CSMD1: variants seen among roughly 807,000 people sequenced by gnomAD.
CSMD1 encodes the protein CUB and Sushi multiple domains 1, also known as CUB and sushi domain-containing protein 1.
Under a neutral mutation model 417.5 loss-of-function variants are expected in CSMD1, and 213 were observed. The observed-to-expected ratio is 0.51, with a 90% CI of 0.46 to 0.57. CSMD1 has a LOEUF of 0.57. CSMD1 is among the 20% of genes least tolerant of loss of function. The pLI is 0.00. For synonymous variants in CSMD1, 2,862 were observed against 1,736.8 expected (o/e 1.65, Z -16.11); for missense variants, 6,923 against 4,529.7 (o/e 1.53, Z -15.17).
At chr8:4,322,914 G>A (rs1002561792) in intron 3 of CSMD1, among the ~76,000 whole-genome samples, 5 of 152,198 alleles carry the variant, frequency 3.3e-5, no homozygotes, top group Admixed American at 3.3e-4. Context: ...GAACCCTGGA[G>A]GTGGAGGTTG....
intron 3 of CSMD1, among the ~76,000 whole-genome samples, chr8:4,315,119 G>T (rs137980059): frequency 2.6e-5 from 4 of 152,246 alleles, no homozygotes; most frequent in Admixed American, 6.5e-5. Context: ...TTACACCATC[G>T]CAAGAGCACC....
chr8:4,595,473 T>G (rs914654414), intron 2 of CSMD1, among the ~76,000 whole-genome samples: 4 of 152,166 alleles, frequency 2.6e-5, no homozygotes, highest in African/African-American at 9.7e-5. Context: ...GTTCTGTGGC[T>G]TCCTTTGGAG....
Position 3,090,875 on chromosome 8 carries a change from T to C in CSMD1, c.7285+641A>G, listed in dbSNP as rs527616023. On this transcript the variant is annotated intron_variant, in intron 48 of 69. Transcript: ENST00000635120. ...TGGTCAGATCCTACTGATGATTGTA[T>C]ACAGGATTTAATGTCTAATAAATAT... Among the ~76,000 whole-genome samples, 22 of 152,330 alleles carry C rather than the reference T, an allele frequency of 1.4e-4. 1 individual carries two copies. The highest frequency in any genetic ancestry group is 5.3e-4 in the African/African-American group (22 of 41,588).
intron 3 of CSMD1, among the ~76,000 whole-genome samples, chr8:4,146,993 C>G (rs531543107): frequency 1.3e-5 from 2 of 151,962 alleles, no homozygotes; most frequent in Non-Finnish European, 2.9e-5. Flanking sequence ...CCAGCACTTC[C>G]TGTCCATCCA....
chr8:3,796,139 CATAGAT>C (rs1800094601), intron 5 of CSMD1, among the ~76,000 whole-genome samples: 4 of 5,280 alleles, frequency 7.6e-4, no homozygotes. Context: ...ATATATCTAT[CATAGAT>C]ATAGATATAT....
intron 3 of CSMD1, among the ~76,000 whole-genome samples, chr8:4,077,257 A>G (rs1228639507): frequency 7.0e-6 from 1 of 143,522 alleles, no homozygotes; most frequent in Non-Finnish European, 1.5e-5. Flanking sequence ...GACACCTCCC[A>G]CTGTAAAAGC....
At chr8:4,146,840 G>A (rs1456163312) in intron 3 of CSMD1, among the ~76,000 whole-genome samples, 1 of 149,676 alleles carries the variant, frequency 6.7e-6, no homozygotes, top group African/African-American at 2.5e-5. Flanking sequence ...TCGATCTCCT[G>A]ACCTCGTGAT....
intron 19 of CSMD1, among the ~76,000 whole-genome samples, chr8:3,368,107 A>C (rs1024136819): frequency 6.6e-6 from 1 of 152,088 alleles, no homozygotes; most frequent in African/African-American, 2.4e-5. Flanking sequence ...GATAACTTCT[A>C]ATAAAAATGT....
At chr8:4,433,983 C>A (rs993795833) in intron 2 of CSMD1, among the ~76,000 whole-genome samples, 1 of 152,112 alleles carries the variant, frequency 6.6e-6, no homozygotes, top group African/African-American at 2.4e-5. Context: ...GTGATTTTCT[C>A]TTCAGCCTCA....
At chr8:3,966,763 G>T (rs570050504) in intron 5 of CSMD1, among the ~76,000 whole-genome samples, 1 of 138,288 alleles carries the variant, frequency 7.2e-6, no homozygotes, top group East Asian at 2.2e-4. Context: ...ACGCGCGCGC[G>T]CGCACACACA....
chr8:3,957,219 G>C (rs1056097821), intron 5 of CSMD1, among the ~76,000 whole-genome samples: 5 of 152,186 alleles, frequency 3.3e-5, no homozygotes, highest in Non-Finnish European at 7.4e-5. Context: ...TGAGAAGACA[G>C]AAATATAGGA....
intron 3 of CSMD1, among the ~76,000 whole-genome samples, chr8:4,231,918 A>T (rs1219109163): frequency 1.3e-5 from 1 of 74,528 alleles, no homozygotes; most frequent in East Asian, 4.2e-4. Flanking sequence ...AATCTCATAC[A>T]TAAAATATGT....
chr8:4,953,700 T>A (rs868016056), intron 1 of CSMD1, among the ~76,000 whole-genome samples: 4 of 152,344 alleles, frequency 2.6e-5, no homozygotes, highest in Middle Eastern at 3.4e-3. Flanking sequence ...ATGCTATTTT[T>A]ACATGTTGCT....
At chr8:4,115,996 A>G (rs1024743095) in intron 3 of CSMD1, among the ~76,000 whole-genome samples, 1 of 149,128 alleles carries the variant, frequency 6.7e-6, no homozygotes, top group Non-Finnish European at 1.5e-5. Flanking sequence ...TTATTTATTT[A>G]TTTATTTATT....
intron 3 of CSMD1, among the ~76,000 whole-genome samples, chr8:4,106,022 T>C (rs893711664): frequency 3.3e-5 from 5 of 152,130 alleles, no homozygotes; most frequent in African/African-American, 1.2e-4. Flanking sequence ...TGTGCCACCA[T>C]CTCCACTGCA....
intron 3 of CSMD1, among the ~76,000 whole-genome samples, chr8:4,228,159 G>GGAAA (rs1164608212): frequency 6.6e-6 from 1 of 152,046 alleles, no homozygotes; most frequent in African/African-American, 2.4e-5. Context: ...TGCCACAGAA[G>GGAAA]GAAACACCCC....
At chr8:4,250,226 A>C (rs151293269) in intron 3 of CSMD1, among the ~76,000 whole-genome samples, 66 of 152,328 alleles carry the variant, frequency 4.3e-4, no homozygotes, top group African/African-American at 1.4e-3. Context: ...TGTTACAACA[A>C]CACAAATGTA....
chr8:3,162,001 G>A (rs1819926555), intron 38 of CSMD1, among the ~76,000 whole-genome samples, 158 bp downstream of exon 38: 1 of 152,206 alleles, frequency 6.6e-6, no homozygotes, highest in South Asian at 2.1e-4. Flanking sequence ...GTTTCCAAAT[G>A]GTGACGAAGA....
At chr8:4,223,570 G>C (rs1259657624) in intron 3 of CSMD1, among the ~76,000 whole-genome samples, 1 of 152,246 alleles carries the variant, frequency 6.6e-6, no homozygotes. Flanking sequence ...GGCAGGACCT[G>C]TGTCACCTGA....
Sources: gnomAD v4.1 joint callset for allele counts (sites outside exome capture counted in the v4.1 genomes callset) on GRCh38, gnomAD v4.1.1 for gene constraint, MANE v1.5 for transcripts, NCBI Gene and HGNC (gene_info 2026-07-23, HGNC 2026-07-21) for gene names.